Variants in MYRIP observed in about 807,000 individuals in gnomAD.
The protein encoded by MYRIP is rab effector MyRIP.
MYRIP carries 49 observed loss-of-function variants against 98.0 expected under a neutral mutation model. That is an observed-to-expected ratio of 0.50 (90% confidence interval 0.40 to 0.63). The LOEUF is 0.63. MYRIP is among the 30% of genes least tolerant of loss of function. The pLI is 0.00. For missense variants in MYRIP, 1,004 were observed against 1,058.2 expected, an observed-to-expected ratio of 0.95 and a Z score of 0.71; for synonymous variants, 404 against 409.5, an observed-to-expected ratio of 0.99 and a Z score of 0.16.
chr3:39,998,030 A>T (rs1183134506), intron 2 of MYRIP, among the ~76,000 whole-genome samples: 1 of 152,224 alleles, frequency 6.6e-6, no homozygotes, highest in African/African-American at 2.4e-5. Context: ...GATGGGACGT[A>T]TCTCAAAATA....
intron 8 of MYRIP, chr3:40,174,111 G>A (rs1950691706): frequency 6.6e-6 from 1 of 152,186 alleles, no homozygotes; most frequent in South Asian, 2.1e-4. Context: ...GAACCGTGTG[G>A]CTGTAGTTTG....
chr3:40,182,488 G>A, intron 9 of MYRIP, 115 bp downstream of exon 9: 1 of 1,222,000 alleles, frequency 8.2e-7, no homozygotes, highest in Non-Finnish European at 1.1e-6. Flanking sequence ...GAACTGGTGT[G>A]TGTCCCTCTG....
chr3:40,094,036 A>T (rs1948778261), intron 3 of MYRIP, among the ~76,000 whole-genome samples: 1 of 151,950 alleles, frequency 6.6e-6, no homozygotes, highest in African/African-American at 2.4e-5. Flanking sequence ...TCTGCCTGGA[A>T]AGTTTCCCCT....
chr3:40,099,512 C>T (rs1321925241), intron 3 of MYRIP, among the ~76,000 whole-genome samples: 3 of 152,106 alleles, frequency 2.0e-5, no homozygotes, highest in Admixed American at 2.0e-4. Context: ...AGGGAGTGGT[C>T]ACATACTCTC....
intron 8 of MYRIP, among the ~76,000 whole-genome samples, chr3:40,172,469 G>T (rs1398182152): frequency 6.6e-6 from 1 of 152,172 alleles, no homozygotes. Flanking sequence ...TAGAATAGTG[G>T]TTGTGTGGCT....
At chr3:39,885,990 C>T (rs1219385582) in intron 1 of MYRIP, among the ~76,000 whole-genome samples, 1 of 152,040 alleles carries the variant, frequency 6.6e-6, no homozygotes, top group South Asian at 2.1e-4. Flanking sequence ...GCCTTCTTCT[C>T]TCAGCTCATC....
chr3:40,106,090 G>C (rs766585164), intron 3 of MYRIP, among the ~76,000 whole-genome samples: 45 of 151,828 alleles, frequency 3.0e-4, no homozygotes, highest in Non-Finnish European at 4.4e-5. Flanking sequence ...GATTTGGGTG[G>C]GGACACATAT....
intron 1 of MYRIP, among the ~76,000 whole-genome samples, chr3:39,882,644 C>T (rs1024640489): frequency 6.6e-6 from 1 of 152,088 alleles, no homozygotes; most frequent in Non-Finnish European, 1.5e-5. Context: ...TATTTACTTT[C>T]TCACAGCTTA....
At chr3:40,069,508 G>T (rs141365034) in intron 3 of MYRIP, among the ~76,000 whole-genome samples, 3 of 150,712 alleles carry the variant, frequency 2.0e-5, no homozygotes, top group East Asian at 3.9e-4. Flanking sequence ...TCATGTTGTT[G>T]TGCAACCATC....
chr3:40,213,922 G>A, intron 11 of MYRIP, among the ~76,000 whole-genome samples: 1 of 152,124 alleles, frequency 6.6e-6, no homozygotes, highest in East Asian at 1.9e-4. Flanking sequence ...TGACTCTGAG[G>A]CTTGAGCCAT....
At chr3:39,889,464 G>A (rs1372818341) in intron 1 of MYRIP, among the ~76,000 whole-genome samples, 1 of 152,094 alleles carries the variant, frequency 6.6e-6, no homozygotes, top group African/African-American at 2.4e-5. Flanking sequence ...TCACTCATAG[G>A]TGGAAACTGA....
At chr3:39,986,365 G>T (rs1021688196) in intron 2 of MYRIP, among the ~76,000 whole-genome samples, 2 of 150,690 alleles carry the variant, frequency 1.3e-5, no homozygotes, top group African/African-American at 5.0e-5. Flanking sequence ...TTATATATGA[G>T]AACATTATCA....
chr3:40,234,513 A>C (rs1255355573), intron 12 of MYRIP, among the ~76,000 whole-genome samples: 2 of 151,970 alleles, frequency 1.3e-5, no homozygotes, highest in African/African-American at 4.8e-5. Flanking sequence ...CCCTGTGTAG[A>C]TATGGGCTGC....
intron 2 of MYRIP, among the ~76,000 whole-genome samples, chr3:39,981,324 A>G (rs1263939288): frequency 6.6e-6 from 1 of 152,208 alleles, no homozygotes; most frequent in Non-Finnish European, 1.5e-5. Flanking sequence ...TCCCTGTTAC[A>G]TCTGCCTTTC....
chr3:39,854,887 T>C (rs1942240308), intron 1 of MYRIP, among the ~76,000 whole-genome samples: 1 of 152,284 alleles, frequency 6.6e-6, no homozygotes, highest in African/African-American at 2.4e-5. Context: ...CCTGAGACCT[T>C]GACTGCAGTG....
At chr3:40,032,962 C>A (rs1004221902) in intron 2 of MYRIP, among the ~76,000 whole-genome samples, 2 of 151,762 alleles carry the variant, frequency 1.3e-5, no homozygotes, top group Non-Finnish European at 1.5e-5. Context: ...GAACCAAAGA[C>A]AAAAACCACA....
chr3:40,143,810 T>A (rs1341279266), intron 3 of MYRIP, among the ~76,000 whole-genome samples: 1 of 152,188 alleles, frequency 6.6e-6, no homozygotes, highest in African/African-American at 2.4e-5. Context: ...ACATTACTTT[T>A]TAAGGAAAAG....
chr3:40,018,570 C>T (rs1946921580), intron 2 of MYRIP, among the ~76,000 whole-genome samples: 1 of 152,116 alleles, frequency 6.6e-6, no homozygotes, highest in Admixed American at 6.6e-5. Flanking sequence ...TTCCTGTATC[C>T]CAGGCTTCAC....
At chr3:40,020,740 G>GC (rs1229755724) in intron 2 of MYRIP, among the ~76,000 whole-genome samples, 2 of 152,128 alleles carry the variant, frequency 1.3e-5, no homozygotes, top group Admixed American at 6.5e-5. Context: ...ACTTTTCTTG[G>GC]CCCCCCTGAT....
Sources: gnomAD v4.1 joint callset for allele counts (sites outside exome capture counted in the v4.1 genomes callset) on GRCh38, gnomAD v4.1.1 for gene constraint, MANE v1.5 for transcripts, NCBI Gene and HGNC (gene_info 2026-07-23, HGNC 2026-07-21) for gene names.